HS3ST4: variants seen among roughly 807,000 people sequenced by gnomAD.
HS3ST4 encodes heparan sulfate glucosamine 3-O-sulfotransferase 4.
HS3ST4 carries 17 observed loss-of-function variants against 29.2 expected under a neutral mutation model. That is an observed-to-expected ratio of 0.58 (90% CI 0.40 to 0.87). The LOEUF (loss-of-function observed/expected upper bound fraction) is 0.87, where lower values mean the gene tolerates loss of function less well. Ranked by LOEUF, HS3ST4 falls within the 40% of genes least tolerant of loss-of-function variation. HS3ST4 has a pLI of 0.00. For synonymous variants in HS3ST4, 314 were observed against 285.7 expected (o/e 1.10, Z -1.00); for missense variants, 627 against 634.5 (o/e 0.99, Z 0.13).
At chr16:25,877,511 C>A (rs1179444985) in intron 1 of HS3ST4, among the ~76,000 whole-genome samples, 1 of 152,144 alleles carries the variant, frequency 6.6e-6, no homozygotes. Context: ...ATATTTGTTT[C>A]ATGATGCTCC....
At chr16:25,860,003 T>A (rs7199855) in intron 1 of HS3ST4, among the ~76,000 whole-genome samples, 11,209 of 152,152 alleles carry the variant, frequency 0.074, 472 homozygotes, top group African/African-American at 0.12. Flanking sequence ...ACAGACCCTA[T>A]TGTGTGTGAA....
At chr16:25,976,036 A>G (rs1968940182) in intron 1 of HS3ST4, among the ~76,000 whole-genome samples, 1 of 152,188 alleles carries the variant, frequency 6.6e-6, no homozygotes, top group Non-Finnish European at 1.5e-5. Context: ...TAAGTTGAAT[A>G]ATGTTGCCAG....
chr16:25,881,134 AAAAT>A (rs1967891600), intron 1 of HS3ST4, among the ~76,000 whole-genome samples: 1 of 152,186 alleles, frequency 6.6e-6, no homozygotes, highest in Non-Finnish European at 1.5e-5. Flanking sequence ...CCTAGTGGAA[AAAAT>A]AAATAAACAA....
intron 1 of HS3ST4, among the ~76,000 whole-genome samples, chr16:25,824,491 C>T (rs1399180630): frequency 6.6e-6 from 1 of 152,188 alleles, no homozygotes; most frequent in African/African-American, 2.4e-5. Context: ...TACATGGCAG[C>T]AGGCAAGAGA....
intron 1 of HS3ST4, among the ~76,000 whole-genome samples, chr16:26,102,772 T>C (rs1899004270): frequency 6.6e-6 from 1 of 152,236 alleles, no homozygotes; most frequent in Non-Finnish European, 1.5e-5. Flanking sequence ...TTGGATTCTG[T>C]CCATTTCAGT....
chr16:25,868,081 G>A (rs1255204298), intron 1 of HS3ST4, among the ~76,000 whole-genome samples: 3 of 152,250 alleles, frequency 2.0e-5, no homozygotes, highest in East Asian at 3.9e-4. Context: ...GATAATGCAC[G>A]TCAGACGCAC....
chr16:25,739,697 C>T (rs1348745259), intron 1 of HS3ST4, among the ~76,000 whole-genome samples: 1 of 129,264 alleles, frequency 7.7e-6, no homozygotes, highest in Non-Finnish European at 1.7e-5. Context: ...GAGCAGGACT[C>T]CCTGGATGTC....
At chr16:26,002,814 AAAAG>A (rs1033677252) in intron 1 of HS3ST4, among the ~76,000 whole-genome samples, 9 of 151,906 alleles carry the variant, frequency 5.9e-5, no homozygotes, top group African/African-American at 2.2e-4. Context: ...AAAGAAAGAA[AAAAG>A]AAAGAAAGAA....
At chr16:25,897,955 T>G (rs955233394) in intron 1 of HS3ST4, among the ~76,000 whole-genome samples, 14 of 152,170 alleles carry the variant, frequency 9.2e-5, no homozygotes, top group African/African-American at 3.1e-4. Context: ...CAGAATGTGC[T>G]TGGGGATTTT....
intron 1 of HS3ST4, among the ~76,000 whole-genome samples, chr16:25,873,592 T>TCATC (rs1199814055): frequency 2.9e-5 from 4 of 136,868 alleles, no homozygotes; most frequent in Admixed American, 7.3e-5. Context: ...ATCCATCCAT[T>TCATC]CATCCATCCA....
Position 25,877,206 on chromosome 16 carries a change from C to A in HS3ST4, c.734+184055C>A, listed in dbSNP as rs1967841302. On this transcript the variant is annotated intron_variant, in intron 1 of 1. Transcript: ENST00000331351. ...TGATTGTACTGGGTTGAAATGTGTC[C>A]CCCAGCCTGAAATTCATGTCTACCC... is the stretch of plus-strand genomic sequence containing the variant. 3.9e-5 allele frequency among the ~76,000 whole-genome samples: 6 copies of A among 152,000 alleles called. No individual in the cohort carries two copies. In the South Asian group the frequency reaches 1.2e-3, roughly 32 times the overall value.
At chr16:26,073,534 G>T (rs957783821) in intron 1 of HS3ST4, among the ~76,000 whole-genome samples, 1 of 151,942 alleles carries the variant, frequency 6.6e-6, no homozygotes, top group Non-Finnish European at 1.5e-5. Context: ...CATCATGCGT[G>T]GCTAATTTTT....
chr16:25,862,646 G>C (rs185470201), intron 1 of HS3ST4, among the ~76,000 whole-genome samples: 1 of 152,152 alleles, frequency 6.6e-6, no homozygotes, highest in African/African-American at 2.4e-5. Flanking sequence ...AACCCCTGTC[G>C]TACAGTAAGT....
rs568529530 is a variant in HS3ST4 at position 25,770,085 on chromosome 16, G to T, written c.734+76934G>T. Among the ~76,000 whole-genome samples, 30 of 152,248 alleles carry T rather than the reference G, an allele frequency of 2.0e-4. No individual in the cohort carries two copies. In the South Asian group the frequency reaches 4.0e-3, roughly 20 times the overall value. On this transcript the variant is annotated intron_variant, in intron 1 of 1. Coordinates refer to ENST00000331351, the MANE Select transcript of HS3ST4 (RefSeq NM_006040.3). ...TGTGGGATTTCCAGTAAAGATCGTG[G>T]GACCGAGTGCTTAAAATTGCAACAG...
intron 1 of HS3ST4, among the ~76,000 whole-genome samples, chr16:25,848,167 C>G (rs1157093340): frequency 6.6e-6 from 1 of 151,882 alleles, no homozygotes; most frequent in Non-Finnish European, 1.5e-5. Context: ...GAGACAGAGT[C>G]TTGCTCTGCT....
At chr16:26,103,388 A>G (rs1447033936) in intron 1 of HS3ST4, among the ~76,000 whole-genome samples, 1 of 152,290 alleles carries the variant, frequency 6.6e-6, no homozygotes, top group Non-Finnish European at 1.5e-5. Context: ...TCATGGAATT[A>G]CAATTCTTCT....
intron 1 of HS3ST4, among the ~76,000 whole-genome samples, chr16:25,769,358 C>T (rs1368319320): frequency 6.6e-6 from 1 of 152,160 alleles, no homozygotes; most frequent in African/African-American, 2.4e-5. Context: ...ACACAGTTAT[C>T]TCTGCAGTCT....
chr16:25,710,730 A>G (rs2141584716), intron 1 of HS3ST4, among the ~76,000 whole-genome samples: 1 of 152,074 alleles, frequency 6.6e-6, no homozygotes, highest in African/African-American at 2.4e-5. Context: ...AGAAAAAGGC[A>G]AAATTTAAAA....
chr16:26,017,845 A>C (rs1036348920), intron 1 of HS3ST4, among the ~76,000 whole-genome samples: 25 of 152,334 alleles, frequency 1.6e-4, no homozygotes, highest in Non-Finnish European at 2.8e-4. Context: ...AAGGAAAGGC[A>C]GACCCCACAA....
Sources: gnomAD v4.1 joint callset for allele counts (sites outside exome capture counted in the v4.1 genomes callset) on GRCh38, gnomAD v4.1.1 for gene constraint, MANE v1.5 for transcripts, NCBI Gene and HGNC (gene_info 2026-07-23, HGNC 2026-07-21) for gene names.